SPATA16: variants seen among roughly 807,000 people sequenced by gnomAD.
SPATA16 encodes spermatogenesis associated 16.
A neutral mutation model predicts 63.3 loss-of-function variants in SPATA16; 36 were observed. That is an observed-to-expected ratio of 0.57 (90% confidence interval 0.44 to 0.75). The LOEUF (loss-of-function observed/expected upper bound fraction) is 0.75. Ranked by LOEUF, SPATA16 falls within the 30% of genes least tolerant of loss-of-function variation. The probability of loss-of-function intolerance (pLI) is 0.00; values close to 1 mark genes in which losing one functional copy is unlikely to be tolerated. For missense variants in SPATA16, 646 were observed against 679.3 expected, an observed-to-expected ratio of 0.95 and a Z score of 0.54; for synonymous variants, 203 against 216.7, an observed-to-expected ratio of 0.94 and a Z score of 0.56.
chr3:172,961,076 TCCTTCCTTC>T (rs1733768336), intron 5 of SPATA16, among the ~76,000 whole-genome samples: 2 of 133,526 alleles, frequency 1.5e-5, no homozygotes, highest in Non-Finnish European at 3.1e-5. Context: ...CTTTCTTCCT[TCCTTCCTTC>T]CTTCCTTCCT....
chr3:172,956,617 C>A, intron 6 of SPATA16, 60 bp downstream of exon 6: 1 of 1,556,732 alleles, frequency 6.4e-7, no homozygotes, highest in Non-Finnish European at 8.8e-7. Flanking sequence ...AGAAAGAACC[C>A]TGTATTTGTT....
Position 172,994,728 on chromosome 3 carries a change from A to G in SPATA16, c.849-17676T>C, listed in dbSNP as rs146980253. 2.3e-3 allele frequency among the ~76,000 whole-genome samples: 355 copies of G among 152,332 alleles called. 4 individuals are homozygous for G. Among genetic ancestry groups the G allele is most frequent in the African/African-American group, 8.2e-3 (341 of 41,578 alleles). Reference sequence around the variant, plus strand: ...GTACTGCAAATAAAGCATACTGCACATACAGTTAACTTGCTTTAATAAATT... The same window carrying G: ...GTACTGCAAATAAAGCATACTGCACGTACAGTTAACTTGCTTTAATAAATT... On this transcript the variant is annotated intron_variant, in intron 4 of 10. Transcript: ENST00000351008.
chr3:172,917,444 C>T (rs1219784488), intron 8 of SPATA16, among the ~76,000 whole-genome samples: 1 of 152,270 alleles, frequency 6.6e-6, no homozygotes, highest in East Asian at 1.9e-4. Context: ...CATCCTGGTG[C>T]TCAGAAGAGA....
At chr3:172,992,044 T>C (rs570707361) in intron 4 of SPATA16, among the ~76,000 whole-genome samples, 1 of 152,266 alleles carries the variant, frequency 6.6e-6, no homozygotes, top group African/African-American at 2.4e-5. Flanking sequence ...TTAGAAGTTT[T>C]GCACCCTTGA....
At chr3:173,088,043 TTTC>T (rs1737113772) in intron 2 of SPATA16, among the ~76,000 whole-genome samples, 1 of 141,574 alleles carries the variant, frequency 7.1e-6, no homozygotes, top group Admixed American at 7.3e-5. Context: ...TCTTTCTTTC[TTTC>T]TTTCTTTCTT....
intron 4 of SPATA16, among the ~76,000 whole-genome samples, chr3:173,012,562 A>C (rs184662770): frequency 2.6e-5 from 4 of 152,242 alleles, no homozygotes; most frequent in Non-Finnish European, 1.5e-5. Context: ...ACAGCATAGT[A>C]CTGGTACAAA....
In SPATA16 at chr3:172,889,405, G is replaced by A; in HGVS notation, c.*165C>T. 1.0e-6 allele frequency: 1 copy of A among 958,652 alleles called. No homozygotes were observed. Among genetic ancestry groups the A allele is most frequent in the Non-Finnish European group, 1.6e-6 (1 of 626,774 alleles). 59.4% of individuals were successfully genotyped at this position (958,652 alleles called of 1,614,324 possible). On this transcript the variant is annotated 3_prime_UTR_variant, in exon 11 of 11. Transcript: ENST00000351008. ...TTTATTGCTGCCAGTTGAGATTAAT[G>A]AAACATAGAGTGTCTTTGGTAAAGA...
chr3:173,092,392 C>A (rs1029177535), intron 2 of SPATA16, among the ~76,000 whole-genome samples: 2 of 152,176 alleles, frequency 1.3e-5, no homozygotes, highest in Admixed American at 6.5e-5. Flanking sequence ...CTCCCTGGAA[C>A]CTGTGGCTAC....
chr3:172,910,645 G>T (rs574780248), intron 10 of SPATA16, among the ~76,000 whole-genome samples: 29 of 151,856 alleles, frequency 1.9e-4, no homozygotes, highest in Admixed American at 1.1e-3. Flanking sequence ...TATTGCTTGA[G>T]TCTCATGAGG....
chr3:172,953,415 T>A (rs1477309518), intron 6 of SPATA16, among the ~76,000 whole-genome samples: 2 of 152,054 alleles, frequency 1.3e-5, no homozygotes, highest in African/African-American at 4.8e-5. Flanking sequence ...ATGGAGGGGA[T>A]TTATTGAGTA....
intron 6 of SPATA16, among the ~76,000 whole-genome samples, chr3:172,944,208 A>G (rs1273176799): frequency 6.6e-6 from 1 of 152,238 alleles, no homozygotes; most frequent in Non-Finnish European, 1.5e-5. Flanking sequence ...AAGGACTTAA[A>G]CAGACATTTC....
intron 5 of SPATA16, among the ~76,000 whole-genome samples, chr3:172,975,112 A>C (rs1734123520): frequency 6.6e-6 from 1 of 152,166 alleles, no homozygotes; most frequent in Non-Finnish European, 1.5e-5. Flanking sequence ...ATGCTCTCTG[A>C]AAGCTAAAGG....
At chr3:173,114,189 A>G (rs1048126471) in intron 2 of SPATA16, among the ~76,000 whole-genome samples, 5 of 151,518 alleles carry the variant, frequency 3.3e-5, no homozygotes, top group African/African-American at 1.2e-4. Context: ...CAAAAAAAAA[A>G]AAAAAAAAAA....
At chr3:173,132,699 C>G (rs1004840299) in intron 1 of SPATA16, among the ~76,000 whole-genome samples, 2 of 151,908 alleles carry the variant, frequency 1.3e-5, no homozygotes, top group African/African-American at 4.8e-5. Context: ...AAGGTAGAAG[C>G]TGGGGAATAT....
chr3:172,952,915 G>A (rs1035719471), intron 6 of SPATA16, among the ~76,000 whole-genome samples: 3 of 140,062 alleles, frequency 2.1e-5, no homozygotes, highest in Non-Finnish European at 4.5e-5. Flanking sequence ...ACTACAGCCT[G>A]GCAATAGAGT....
At chr3:173,040,620 C>T (rs999029485) in intron 3 of SPATA16, among the ~76,000 whole-genome samples, 15 of 152,156 alleles carry the variant, frequency 9.9e-5, no homozygotes, top group Admixed American at 9.2e-4. Flanking sequence ...CTACCATAAC[C>T]TGCAAGAGAA....
intron 2 of SPATA16, among the ~76,000 whole-genome samples, chr3:173,070,938 C>T (rs914457958): frequency 6.6e-6 from 1 of 152,136 alleles, no homozygotes; most frequent in Non-Finnish European, 1.5e-5. Flanking sequence ...CAATGACATT[C>T]TTAACAGAAA....
At chr3:172,969,586 G>A (rs1262624626) in intron 5 of SPATA16, among the ~76,000 whole-genome samples, 1 of 152,146 alleles carries the variant, frequency 6.6e-6, no homozygotes, top group African/African-American at 2.4e-5. Context: ...TGATGCAGTT[G>A]GTTACTAGAC....
chr3:173,115,403 A>T (rs1465421267), intron 2 of SPATA16, among the ~76,000 whole-genome samples: 1 of 152,232 alleles, frequency 6.6e-6, no homozygotes, highest in Non-Finnish European at 1.5e-5. Context: ...TGGCCCTGGC[A>T]GAATGGCCTG....
Sources: gnomAD v4.1 joint callset for allele counts (sites outside exome capture counted in the v4.1 genomes callset) on GRCh38, gnomAD v4.1.1 for gene constraint, MANE v1.5 for transcripts, NCBI Gene and HGNC (gene_info 2026-07-23, HGNC 2026-07-21) for gene names.